The following DNAH14 variants were observed in gnomAD, a reference collection of about 807,000 sequenced individuals.
DNAH14 encodes the protein dynein axonemal heavy chain 14, also known as axonemal beta dynein heavy chain 14.
Under a neutral mutation model 520.9 loss-of-function variants are expected in DNAH14, and 478 were observed. That is an observed-to-expected ratio of 0.92 (90% CI 0.85 to 0.99). The LOEUF is 0.99. Among genes scored for constraint, DNAH14 ranks in the 50% least tolerant of loss-of-function variants. The probability of loss-of-function intolerance (pLI) is 0.00; values close to 1 mark genes in which losing one functional copy is unlikely to be tolerated. For synonymous variants in DNAH14, 1,581 were observed against 1,757.2 expected (o/e 0.90, Z 2.51); for missense variants, 4,831 against 5,234.5 (o/e 0.92, Z 2.38).
chr1:225,334,489 C>T (rs747834886), intron 66 of DNAH14, among the ~76,000 whole-genome samples: 7 of 151,258 alleles, frequency 4.6e-5, no homozygotes, highest in Non-Finnish European at 8.9e-5. Flanking sequence ...GAGAGAAGAC[C>T]CTGTCTCTAA....
Position 225,303,188 on chromosome 1 carries a change from C to A in DNAH14, c.8664C>A (p.Ile2888=). 6.6e-7 allele frequency: 1 copy of A among 1,505,120 alleles called. No homozygotes were observed. Among genetic ancestry groups the A allele is most frequent in the Non-Finnish European group, 8.9e-7 (1 of 1,128,694 alleles). The allele number at this position is 1,505,120 out of a possible 1,614,324, so 93.2% of individuals were successfully genotyped here. A position where few individuals can be genotyped will look rare whatever the true frequency, so the allele number is the denominator to read the frequency against. ...RIYKNLHIFV[I]MSPEGPSFRQ... The stretch of plus-strand genomic sequence containing the variant: ...ATAAAAATCTTCATATTTTTGTGAT[C>A]ATGAGTCCTGAAGGACCTAGCTTCC... Residue 2888 remains isoleucine, a synonymous_variant, in exon 57 of 86, where the codon ATC becomes ATA. Coordinates refer to ENST00000682510, the MANE Select transcript of DNAH14 (RefSeq NM_001367479.1).
At chr1:225,162,405 T>C (rs2081605488) in intron 35 of DNAH14, among the ~76,000 whole-genome samples, 1 of 152,250 alleles carries the variant, frequency 6.6e-6, no homozygotes, top group South Asian at 2.1e-4. Context: ...TGTGTCTATT[T>C]CTCTGCCAAG....
rs368215341 is a variant in DNAH14 at position 225,188,499 on chromosome 1, G to A, written c.5670+3074G>A. 1.1e-3 allele frequency among the ~76,000 whole-genome samples: 165 copies of A among 151,992 alleles called. 3 individuals are homozygous for A. Among genetic ancestry groups the A allele is most frequent in the Middle Eastern group, 3.4e-3 (1 of 294 alleles). On this transcript the variant is annotated intron_variant, in intron 37 of 85. Transcript: ENST00000682510. The stretch of plus-strand genomic sequence containing the variant: ...TTTATCACAAGTATGTATCTATAGG[G>A]AAAAATATAATATATAAAGGGTTCT...
chr1:224,975,467 G>A (rs1231803486), intron 8 of DNAH14, among the ~76,000 whole-genome samples: 1 of 152,090 alleles, frequency 6.6e-6, no homozygotes, highest in African/African-American at 2.4e-5. Context: ...GTGTGTATGT[G>A]TCGAGGAATT....
chr1:225,154,553 A>G (rs888058619), intron 34 of DNAH14, among the ~76,000 whole-genome samples: 7 of 152,094 alleles, frequency 4.6e-5, no homozygotes, highest in Non-Finnish European at 1.0e-4. Context: ...AAATAGAACT[A>G]TATGCTTTGG....
intron 36 of DNAH14, among the ~76,000 whole-genome samples, chr1:225,181,703 G>A (rs915740253): frequency 2.0e-5 from 3 of 151,912 alleles, no homozygotes; most frequent in African/African-American, 7.3e-5. Flanking sequence ...TTTGCTTGTT[G>A]AATTCTTTAA....
chr1:225,385,753 T>C (rs1191826495), intron 81 of DNAH14, among the ~76,000 whole-genome samples: 1 of 152,192 alleles, frequency 6.6e-6, no homozygotes, highest in African/African-American at 2.4e-5. Flanking sequence ...TGCAGGAACA[T>C]TCCATGCTCA....
intron 8 of DNAH14, among the ~76,000 whole-genome samples, chr1:224,999,659 A>C (rs1211991896): frequency 6.6e-6 from 1 of 150,586 alleles, no homozygotes; most frequent in Non-Finnish European, 1.5e-5. Context: ...TCTATGTTTT[A>C]TTTTTCCTGC....
intron 29 of DNAH14, among the ~76,000 whole-genome samples, chr1:225,144,984 A>G (rs763129312): frequency 1.3e-5 from 2 of 152,044 alleles, no homozygotes; most frequent in African/African-American, 2.4e-5. Flanking sequence ...AGAGAGACAG[A>G]AAGAGACAGA....
chr1:225,184,947 C>T (rs2084505195), intron 36 of DNAH14, among the ~76,000 whole-genome samples: 1 of 151,866 alleles, frequency 6.6e-6, no homozygotes, highest in Non-Finnish European at 1.5e-5. Flanking sequence ...TAAAAGACAT[C>T]CAAATAGGAA....
chr1:224,943,800 C>T (rs1262442387), intron 1 of DNAH14, among the ~76,000 whole-genome samples: 4 of 152,014 alleles, frequency 2.6e-5, no homozygotes, highest in Admixed American at 1.3e-4. Flanking sequence ...TGTGGTTGAG[C>T]GGTTTTGAGT....
chr1:225,000,028 T>C (rs574723324), intron 8 of DNAH14, among the ~76,000 whole-genome samples: 1 of 152,276 alleles, frequency 6.6e-6, no homozygotes, highest in South Asian at 2.1e-4. Context: ...CAGTGTTCCT[T>C]CTTTTATTGT....
chr1:225,308,152 G>T, intron 59 of DNAH14, 133 bp from the exon 60 acceptor site: 1 of 957,380 alleles, frequency 1.0e-6, no homozygotes, highest in Non-Finnish European at 1.5e-6. Flanking sequence ...CTCATTTTAT[G>T]AATCTATTAA....
intron 17 of DNAH14, among the ~76,000 whole-genome samples, chr1:225,078,808 CT>C (rs1558883127): frequency 7.3e-5 from 4 of 54,584 alleles, no homozygotes; most frequent in East Asian, 4.7e-4. Flanking sequence ...CTCTCTCTCT[CT>C]CTCTCTCTCT....
chr1:225,089,442 C>CAAAAAAAAAAAAAAAAAA (rs1169182387), intron 21 of DNAH14, among the ~76,000 whole-genome samples: 2 of 29,896 alleles, frequency 6.7e-5, no homozygotes, highest in Admixed American at 4.1e-4. Flanking sequence ...AAAACTCCGT[C>CAAAAAAAAAAAAAAAAAA]AAAAAAAAAA....
chr1:225,240,768 A>G lies in DNAH14; in HGVS notation c.6694A>G (p.Thr2232Ala), dbSNP rs888295407. Reference protein sequence around the residue: ...SLEPDSLAKVTYDFDKLVHEL... With the variant: ...SLEPDSLAKVAYDFDKLVHEL... ...TGAACCTGATTCTCTTGCAAAAGTAACATACGATTTTGACAAACTTGTTCA... is the reference window on the plus strand; with the variant it reads ...TGAACCTGATTCTCTTGCAAAAGTAGCATACGATTTTGACAAACTTGTTCA... The change falls in exon 43 of 86, where the codon ACA becomes GCA. Residue 2232 changes from threonine to alanine, a missense_variant. Coordinates refer to ENST00000682510, the MANE Select transcript of DNAH14 (RefSeq NM_001367479.1). The G allele has an allele frequency of 2.5e-5, 38 of 1,550,184 alleles. No individual in the cohort carries two copies. The highest frequency in any genetic ancestry group is 3.2e-5 in the Non-Finnish European group (37 of 1,146,084).
chr1:225,124,313 C>T (rs2077523633), intron 27 of DNAH14, among the ~76,000 whole-genome samples: 1 of 152,170 alleles, frequency 6.6e-6, no homozygotes, highest in Non-Finnish European at 1.5e-5. Flanking sequence ...CTCTTCCTTT[C>T]CCAAAAGATT....
chr1:225,354,135 C>T (rs1007730981), intron 73 of DNAH14: 1 of 703,908 alleles, frequency 1.4e-6, no homozygotes, highest in Non-Finnish European at 2.6e-6. Flanking sequence ...AAGGAGGACT[C>T]ATAGCCCTGT....
At chr1:225,004,185 A>G (rs2063987903) in intron 9 of DNAH14, among the ~76,000 whole-genome samples, 2 of 152,178 alleles carry the variant, frequency 1.3e-5, no homozygotes, top group African/African-American at 4.8e-5. Context: ...AAGCTTTGCT[A>G]TTTTCAATCT....
Sources: allele counts gnomAD v4.1 joint callset (sites outside exome capture counted in the v4.1 genomes callset), GRCh38; gene constraint gnomAD v4.1.1; transcripts MANE v1.5; gene names NCBI Gene and HGNC (gene_info 2026-07-23, HGNC 2026-07-21).